Variants in HSPA12A observed in about 807,000 individuals in gnomAD.
HSPA12A encodes heat shock protein family A (Hsp70) member 12A.
Under a neutral mutation model 69.2 loss-of-function variants are expected in HSPA12A, and 28 were observed. The observed-to-expected ratio is 0.40, with a 90% CI of 0.30 to 0.55. HSPA12A has a LOEUF of 0.55. Among genes scored for constraint, HSPA12A ranks in the 20% least tolerant of loss-of-function variants. HSPA12A has a pLI of 0.38. For missense variants in HSPA12A, 686 were observed against 900.7 expected (o/e 0.76, Z 3.05); for synonymous variants, 345 against 370.5 (o/e 0.93, Z 0.79).
intron 1 of HSPA12A, among the ~76,000 whole-genome samples, chr10:116,839,630 A>C (rs530917170): frequency 2.7e-5 from 4 of 146,856 alleles, no homozygotes; most frequent in Non-Finnish European, 6.0e-5. Context: ...AAAAAAAAAA[A>C]CCTAAAATCT....
At chr10:116,702,882 G>T (rs1321073917) in intron 3 of HSPA12A, among the ~76,000 whole-genome samples, 1 of 152,116 alleles carries the variant, frequency 6.6e-6, no homozygotes, top group Non-Finnish European at 1.5e-5. Context: ...CTCCTCTAGA[G>T]GCCCTGAACT....
At chr10:116,838,630 T>C (rs1434835667) in intron 1 of HSPA12A, among the ~76,000 whole-genome samples, 1 of 152,224 alleles carries the variant, frequency 6.6e-6, no homozygotes, top group African/African-American at 2.4e-5. Context: ...TCTTATCACA[T>C]GGATCTCCAT....
At chr10:116,839,058 C>T (rs138462108) in intron 1 of HSPA12A, among the ~76,000 whole-genome samples, 138 of 152,342 alleles carry the variant, frequency 9.1e-4, no homozygotes, top group African/African-American at 3.0e-3. Context: ...AAAAAGCTAA[C>T]AGTCAGGCTA....
chr10:116,766,543 CAG>C (rs1198135890), intron 2 of HSPA12A, among the ~76,000 whole-genome samples: 1 of 152,204 alleles, frequency 6.6e-6, no homozygotes, highest in African/African-American at 2.4e-5. Context: ...ACAGCCCTCA[CAG>C]AGACTGCCTG....
chr10:116,784,153 G>A (rs1844523941), intron 2 of HSPA12A, among the ~76,000 whole-genome samples: 1 of 152,268 alleles, frequency 6.6e-6, no homozygotes, highest in African/African-American at 2.4e-5. Flanking sequence ...CTGGCCATGT[G>A]CTTGCCAATC....
intron 2 of HSPA12A, among the ~76,000 whole-genome samples, chr10:116,706,427 A>G (rs1424590693): frequency 6.6e-6 from 1 of 152,132 alleles, no homozygotes; most frequent in Non-Finnish European, 1.5e-5. Flanking sequence ...TTGCCCAGGA[A>G]TAAAGGAGTC....
intron 2 of HSPA12A, among the ~76,000 whole-genome samples, chr10:116,768,197 T>C (rs1343712862): frequency 1.3e-5 from 2 of 152,248 alleles, no homozygotes; most frequent in African/African-American, 4.8e-5. Flanking sequence ...TGATATATGC[T>C]ACGACATGAA....
intron 2 of HSPA12A, among the ~76,000 whole-genome samples, chr10:116,747,617 T>G (rs1451594509): frequency 1.3e-5 from 2 of 152,176 alleles, no homozygotes; most frequent in Non-Finnish European, 2.9e-5. Flanking sequence ...AAAACAACTT[T>G]CCTCTTCTCC....
At chr10:116,760,158 G>A (rs1554889149) in intron 2 of HSPA12A, among the ~76,000 whole-genome samples, 3 of 152,124 alleles carry the variant, frequency 2.0e-5, no homozygotes, top group African/African-American at 4.8e-5. Context: ...GAGGCCCTCA[G>A]CCCAGGAACC....
chr10:116,678,586 G>GAAAAAAAA (rs11435803), intron 10 of HSPA12A, among the ~76,000 whole-genome samples: 19 of 128,550 alleles, frequency 1.5e-4, no homozygotes, highest in African/African-American at 1.7e-4. Flanking sequence ...GGTACAAAGT[G>GAAAAAAAA]AAAAAAAAAA....
intron 6 of HSPA12A, among the ~76,000 whole-genome samples, chr10:116,688,738 T>C (rs566380885): frequency 6.6e-6 from 1 of 152,360 alleles, no homozygotes. Flanking sequence ...GTCTCCATGT[T>C]AGATGAGAGG....
intron 2 of HSPA12A, among the ~76,000 whole-genome samples, chr10:116,801,895 A>T (rs1564824235): frequency 1.3e-5 from 2 of 152,186 alleles, no homozygotes. Flanking sequence ...TACACCAAGT[A>T]TACCCTTTTT....
intron 2 of HSPA12A, among the ~76,000 whole-genome samples, chr10:116,755,609 C>CAAA (rs1204991661): frequency 1.7e-4 from 8 of 45,952 alleles, no homozygotes; most frequent in African/African-American, 3.3e-4. Flanking sequence ...GAGACTGTCT[C>CAAA]AAAAAAAAAA....
intron 1 of HSPA12A, among the ~76,000 whole-genome samples, chr10:116,711,237 C>T (rs1554883030): frequency 6.6e-6 from 1 of 152,148 alleles, no homozygotes; most frequent in African/African-American, 2.4e-5. Context: ...CAACATCTCC[C>T]TCGGGACTAC....
chr10:116,683,944 C>A lies in HSPA12A; in HGVS notation c.682G>T (p.Glu228Ter). 1 of 1,576,850 alleles carries A rather than the reference C, an allele frequency of 6.3e-7. No homozygotes were observed. The highest frequency in any genetic ancestry group is 8.7e-7 in the Non-Finnish European group (1 of 1,153,366). ...GCAATGATGAGCTGCTCCGAGTTCT[C>A]GGGGGAGGCCAGGCCTGCCTGGAAG... ...AAYQAGLASP[E>*]NSEQLIIALE... is the part of the protein sequence containing the mutation. Residue 228 changes from glutamate (E) to a stop codon, truncating the protein, a stop_gained, in exon 7 of 12, where the codon GAG (glutamate) becomes TAG (stop). Coordinates refer to ENST00000369209, the MANE Select transcript of HSPA12A (RefSeq NM_025015.3). LOFTEE classifies it high-confidence loss of function.
intron 1 of HSPA12A, among the ~76,000 whole-genome samples, chr10:116,846,940 A>G (rs1275436973): frequency 6.6e-6 from 1 of 152,036 alleles, no homozygotes; most frequent in African/African-American, 2.4e-5. Context: ...CCTTCCCTTT[A>G]TGTCCTAAAT....
At chr10:116,704,164 TG>T (rs1850164173) in intron 3 of HSPA12A, among the ~76,000 whole-genome samples, 1 of 152,210 alleles carries the variant, frequency 6.6e-6, no homozygotes, top group Non-Finnish European at 1.5e-5. Flanking sequence ...TGCACACGTA[TG>T]TTTATAGCGG....
At chr10:116,774,312 A>G (rs565745771) in intron 2 of HSPA12A, among the ~76,000 whole-genome samples, 22 of 152,154 alleles carry the variant, frequency 1.4e-4, no homozygotes, top group African/African-American at 4.8e-4. Flanking sequence ...CCCGGCCGGC[A>G]AGGGCTTTTT....
intron 1 of HSPA12A, among the ~76,000 whole-genome samples, chr10:116,725,988 TATTC>T (rs1850942714): frequency 6.7e-6 from 1 of 149,840 alleles, no homozygotes; most frequent in South Asian, 2.1e-4. Context: ...TCTATCTGAA[TATTC>T]ATTCAACATA....
Sources: allele counts gnomAD v4.1 joint callset (sites outside exome capture counted in the v4.1 genomes callset), GRCh38; gene constraint gnomAD v4.1.1; transcripts MANE v1.5; gene names NCBI Gene and HGNC (gene_info 2026-07-23, HGNC 2026-07-21).